The following ZMIZ2 variants were observed in gnomAD, a reference collection of about 807,000 sequenced individuals.
The protein encoded by ZMIZ2 is zinc finger MIZ domain-containing protein 2.
ZMIZ2 carries 26 observed loss-of-function variants against 93.9 expected under a neutral mutation model. The observed-to-expected ratio is 0.28, with a 90% CI of 0.20 to 0.38. The LOEUF is 0.38. Among genes scored for constraint, ZMIZ2 ranks in the 10% least tolerant of loss-of-function variants. ZMIZ2 has a pLI of 1.00. For missense variants in ZMIZ2, 1,023 were observed against 1,235.0 expected, an observed-to-expected ratio of 0.83 and a Z score of 2.57; for synonymous variants, 485 against 516.4, an observed-to-expected ratio of 0.94 and a Z score of 0.82.
Position 44,766,383 on chromosome 7 carries a change from C to G in ZMIZ2, c.2413-38C>G, listed in dbSNP as rs752116747. 5 of 1,612,786 alleles carry G rather than the reference C, an allele frequency of 3.1e-6. No individual in the cohort carries two copies. The highest frequency in any genetic ancestry group is 4.2e-6 in the Non-Finnish European group (5 of 1,179,038). ...GGGGCCCTGTCTCCCCAGGGGAGCC[C>G]CTGAGCTGTTTTAACAAATTCTTCT... On this transcript the variant is annotated intron_variant, in intron 17 of 18. Transcript: ENST00000309315. This position sits in a 1 kb window ranked among gnomAD's most constrained non-coding sequence, Gnocchi z 4.4.
At position 44,765,198 on chromosome 7, in the gene ZMIZ2, G is replaced by C. The variant is rs777577406; in HGVS notation, c.1998-137G>C. ...TGGTGCTGGGCCCAGCGTCCTGCTC[G>C]ATGTGGAAGGTGCTGGGTGGAAGCA... On this transcript the variant is annotated intron_variant, in intron 15 of 18. Transcript: ENST00000309315. This position sits in a 1 kb window ranked among gnomAD's most constrained non-coding sequence, Gnocchi z 4.1. The C allele has an allele frequency of 6.6e-7, 1 of 1,507,564 alleles. No homozygotes were observed. Among genetic ancestry groups the C allele is most frequent in the East Asian group, 2.3e-5 (1 of 43,770 alleles). The allele number at this position is 1,507,564 out of a possible 1,614,324, so 93.4% of individuals were successfully genotyped here.
intron 1 of ZMIZ2, among the ~76,000 whole-genome samples, chr7:44,754,271 G>A (rs1373211358): frequency 6.6e-6 from 1 of 152,176 alleles, no homozygotes; most frequent in Non-Finnish European, 1.5e-5. Flanking sequence ...CTTGCCTAGA[G>A]TCCAGGTGCC....
Position 44,763,367 on chromosome 7 carries a change from G to A in ZMIZ2, c.1814G>A (p.Arg605His), listed in dbSNP as rs1475916018. ...TCCCTGAAGTGCCCCATCACCTTCC[G>A]CAGGATCCAGCTCCCTGCCCGAGGT... ...KVSLKCPITFRRIQLPARGHD... is the reference protein window; with the variant it reads ...KVSLKCPITFHRIQLPARGHD... The change falls in exon 13 of 19, where the codon CGC (arginine) becomes CAC (histidine). Residue 605 changes from arginine (R) to histidine (H), a missense_variant. By Grantham distance (29) the Arg-to-His change is conservative (BLOSUM62 0). Around this residue, in one of 3 missense-constraint regions of ZMIZ2, gnomAD observed 48 missense variants for 99.1 expected, o/e 0.48. Transcript: ENST00000309315. The surrounding 1 kb of genome is among the most constrained non-coding windows in gnomAD (Gnocchi z 5.6). The A allele has an allele frequency of 1.2e-6, 2 of 1,613,962 alleles. No homozygotes were observed. The highest frequency in any genetic ancestry group is 1.3e-5 in the African/African-American group (1 of 74,906).
Position 44,765,569 on chromosome 7 carries a change from C to T in ZMIZ2, c.2232C>T (p.Tyr744=). ...CCTCAGTCCCTGCCCCCAGCGACTA[C>T]CCTGGCCAGGGTAAGTACAGCAGGC... ...QPPSVPAPSD[Y]PGQGSSFLGP... Residue 744 remains tyrosine (Y), a synonymous_variant, in exon 16 of 19, where the codon TAC becomes TAT. Coordinates refer to ENST00000309315, the MANE Select transcript of ZMIZ2 (RefSeq NM_031449.4). The surrounding 1 kb of genome is among the most constrained non-coding windows in gnomAD (Gnocchi z 4.1). 1 of 1,488,624 alleles carries T rather than the reference C, an allele frequency of 6.7e-7. No homozygotes were observed. Among genetic ancestry groups the T allele is most frequent in the Non-Finnish European group, 9.0e-7 (1 of 1,113,504 alleles). 92.2% of individuals were successfully genotyped at this position (1,488,624 alleles called of 1,614,324 possible). A position where few individuals can be genotyped will look rare whatever the true frequency, so the allele number is the denominator to read the frequency against.
intron 18 of ZMIZ2, among the ~76,000 whole-genome samples, chr7:44,767,295 G>A (rs1440942002): frequency 6.6e-6 from 1 of 152,134 alleles, no homozygotes; most frequent in Non-Finnish European, 1.5e-5. Context: ...AGCTGTTCTG[G>A]CCCCAGAGCA....
chr7:44,752,051 T>C (rs1790196849), intron 1 of ZMIZ2, among the ~76,000 whole-genome samples: 1 of 152,112 alleles, frequency 6.6e-6, no homozygotes, highest in African/African-American at 2.4e-5. Context: ...TTTGCCCCAA[T>C]GGTAACATCT....
chr7:44,756,068 G>A, intron 1 of ZMIZ2, 120 bp from the exon 2 acceptor site: 2 of 763,360 alleles, frequency 2.6e-6, no homozygotes, highest in Non-Finnish European at 4.3e-6. Context: ...CCTGCCATCA[G>A]AGCCCAGGGG....
Position 44,760,901 on chromosome 7 carries a change from T to C in ZMIZ2, c.1240+308T>C, listed in dbSNP as rs1352731734. 2.0e-5 allele frequency among the ~76,000 whole-genome samples: 3 copies of C among 151,992 alleles called. No individual in the cohort carries two copies. The East Asian group carries it at 5.8e-4, about 29-fold the overall frequency. On this transcript the variant is annotated intron_variant, in intron 9 of 18. Coordinates refer to ENST00000309315, the MANE Select transcript of ZMIZ2 (RefSeq NM_031449.4). The stretch of plus-strand genomic sequence containing the variant: ...TTCCATCTTCTTAAAGACAAGTCGC[T>C]TAGTGCCAAGCCTTCACCTTTTTGT...
At chr7:44,758,685 G>T (rs561672865) in intron 6 of ZMIZ2, among the ~76,000 whole-genome samples, 2 of 151,996 alleles carry the variant, frequency 1.3e-5, no homozygotes, top group Admixed American at 1.3e-4. Flanking sequence ...GGCCAAGGCG[G>T]GTGGATCACG....
chr7:44,765,744 T>A lies in ZMIZ2; in HGVS notation c.2242+165T>A. 1 of 1,137,090 alleles carries A rather than the reference T, an allele frequency of 8.8e-7. No homozygotes were observed. Among genetic ancestry groups the A allele is most frequent in the Non-Finnish European group, 1.2e-6 (1 of 824,320 alleles). The allele number at this position is 1,137,090 out of a possible 1,614,324, so 70.4% of individuals were successfully genotyped here. ...CGCGGGGCACCTCCAGCCCCTCCCATCTCAGGGACGTGGCGGTGAAGGCAC... is the reference window on the plus strand; with the variant it reads ...CGCGGGGCACCTCCAGCCCCTCCCAACTCAGGGACGTGGCGGTGAAGGCAC... On this transcript the variant is annotated intron_variant, in intron 16 of 18. Transcript: ENST00000309315. This position sits in a 1 kb window ranked among gnomAD's most constrained non-coding sequence, Gnocchi z 4.1.
In ZMIZ2 at chr7:44,765,760, G is replaced by T; in HGVS notation, c.2242+181G>T. 3 of 1,072,802 alleles carry T rather than the reference G, an allele frequency of 2.8e-6. No homozygotes were observed. The highest frequency in any genetic ancestry group is 3.3e-5 in the South Asian group (2 of 60,244). 66.5% of individuals were successfully genotyped at this position (1,072,802 alleles called of 1,614,324 possible). The stretch of plus-strand genomic sequence containing the variant: ...CCCCTCCCATCTCAGGGACGTGGCG[G>T]TGAAGGCACAGTCTCAGCTATGGTC... On this transcript the variant is annotated intron_variant, in intron 16 of 18. Coordinates refer to ENST00000309315, the MANE Select transcript of ZMIZ2 (RefSeq NM_031449.4). The surrounding 1 kb of genome is among the most constrained non-coding windows in gnomAD (Gnocchi z 4.1).
At position 44,761,969 on chromosome 7, in the gene ZMIZ2, C is replaced by T; in HGVS notation, c.1596+64C>T. ...GGGCGGGGTGTGGTGGGGCCTGGCC[C>T]AGCGGTGCCGTGGGGTGGGGCGGGG... On this transcript the variant is annotated intron_variant, in intron 11 of 18. Transcript: ENST00000309315. This position sits in a 1 kb window ranked among gnomAD's most constrained non-coding sequence, Gnocchi z 5.8. The T allele has an allele frequency of 3.0e-6, 4 of 1,322,596 alleles. No homozygotes were observed. The South Asian group carries it at 5.7e-5, about 19-fold the overall frequency. 81.9% of individuals were successfully genotyped at this position (1,322,596 alleles called of 1,614,324 possible).
chr7:44,762,906 T>C lies in ZMIZ2; in HGVS notation c.1622T>C (p.Val541Ala). 6.2e-7 allele frequency: 1 copy of C among 1,612,348 alleles called. No individual in the cohort carries two copies. Among genetic ancestry groups the C allele is most frequent in the Non-Finnish European group, 8.5e-7 (1 of 1,178,772 alleles). Reference sequence around the variant, plus strand: ...TCCCACCTCTTCGTGCTGCAGCTAGTGCACCGCCCATCCGTCCGCTCGGTG... The same window carrying C: ...TCCCACCTCTTCGTGCTGCAGCTAGCGCACCGCCCATCCGTCCGCTCGGTG... ...CCSHLFVLQL[V>A]HRPSVRSVLQ... The change falls in exon 12 of 19, where the codon GTG (valine) becomes GCG (alanine). Residue 541 changes from valine (V) to alanine (A), a missense_variant. This residue lies in a region of ZMIZ2 where 656 missense variants were observed against 777.1 expected (regional missense o/e 0.84). Coordinates refer to ENST00000309315, the MANE Select transcript of ZMIZ2 (RefSeq NM_031449.4).
intron 7 of ZMIZ2, 32 bp downstream of exon 7, chr7:44,759,492 G>C: frequency 2.8e-6 from 4 of 1,418,238 alleles, no homozygotes; most frequent in Non-Finnish European, 3.7e-6. Context: ...CCTGTGCCGG[G>C]CTCCGTGCTG....
At chr7:44,750,922 T>C (rs1008998130) in intron 1 of ZMIZ2, 3 of 152,122 alleles carry the variant, frequency 2.0e-5, no homozygotes, top group African/African-American at 7.2e-5. Context: ...AGCCAGGAGA[T>C]GAGAAGAGGA....
At chr7:44,750,832 A>G (rs1159008799) in intron 1 of ZMIZ2, 1 of 152,154 alleles carries the variant, frequency 6.6e-6, no homozygotes, top group Non-Finnish European at 1.5e-5. Context: ...GCCAGGCACT[A>G]AGACCCTTGG....
At chr7:44,758,942 C>T (rs1460718012) in intron 6 of ZMIZ2, among the ~76,000 whole-genome samples, 4 of 145,502 alleles carry the variant, frequency 2.7e-5, no homozygotes, top group Non-Finnish European at 6.0e-5. Context: ...ATTAGCCGGG[C>T]GTGGTGGTGT....
At position 44,748,934 on chromosome 7, in the gene ZMIZ2, A is replaced by G. The variant is rs1166378969; in HGVS notation, c.-120A>G. ...GCGGCGCGGAGGGCGGGCTGAGCGCATGGAGCGGCGCGGGCCGGGGGCCGC... is the reference window on the plus strand; with the variant it reads ...GCGGCGCGGAGGGCGGGCTGAGCGCGTGGAGCGGCGCGGGCCGGGGGCCGC... On this transcript the variant is annotated 5_prime_UTR_variant, in exon 1 of 19. The change abolishes an upstream ATG in the 5' untranslated region. Transcript: ENST00000309315. 1 of 147,336 alleles carries G rather than the reference A, an allele frequency of 6.8e-6. No individual in the cohort carries two copies. The highest frequency in any genetic ancestry group is 1.5e-5 in the Non-Finnish European group (1 of 65,982). The allele number at this position is 147,336 out of a possible 1,614,324, so 9.1% of individuals were successfully genotyped here.
chr7:44,756,147 G>A lies in ZMIZ2; in HGVS notation c.-62-41G>A, dbSNP rs943946590. On this transcript the variant is annotated intron_variant, in intron 1 of 18. Coordinates refer to ENST00000309315, the MANE Select transcript of ZMIZ2 (RefSeq NM_031449.4). ...CTCCACCCTGCTGAAAGGGTCTCCT[G>A]GCTGCATCGCAGCTAACATCCCTTC... 1.2e-5 allele frequency: 19 copies of A among 1,543,436 alleles called. No individual in the cohort carries two copies. The South Asian group carries it at 2.0e-4, about 17-fold the overall frequency.
Sources: gnomAD v4.1 joint callset for allele counts (sites outside exome capture counted in the v4.1 genomes callset) on GRCh38, gnomAD v4.1.1 for gene constraint, gnomAD v4.1.1 regional missense constraint, Gnocchi (gnomAD v3.1) non-coding constraint, MANE v1.5 for transcripts, NCBI Gene and HGNC (gene_info 2026-07-23, HGNC 2026-07-21) for gene names.